DNAH6: variants seen among roughly 807,000 people sequenced by gnomAD.
DNAH6 encodes axonemal beta dynein heavy chain 6.
In DNAH6, 340 loss-of-function variants were observed where a neutral mutation model predicts 491.4. The observed-to-expected ratio is 0.69, with a 90% CI of 0.63 to 0.76. The LOEUF is 0.76. DNAH6 is among the 30% of genes least tolerant of loss of function. The pLI is 0.00. For synonymous variants in DNAH6, 1,603 were observed against 1,686.1 expected, an observed-to-expected ratio of 0.95 and a Z score of 1.21; for missense variants, 4,443 against 4,972.2, an observed-to-expected ratio of 0.89 and a Z score of 3.20.
At chr2:84,460,860 A>G in the DNAH6 span, among the ~76,000 whole-genome samples, 10 of 152,230 alleles carry the variant, frequency 6.6e-5, no homozygotes, top group Admixed American at 5.9e-4. Flanking sequence ...GTGCCCTTAT[A>G]CAAAGGCTGA....
chr2:84,553,359 CTTTT>C, intron 10 of DNAH6, among the ~76,000 whole-genome samples: 1 of 36,096 alleles, frequency 2.8e-5, no homozygotes, highest in African/African-American at 1.2e-4. Context: ...CTTTTCTTTT[CTTTT>C]CTTTTCTTTC....
chr2:84,714,064 C>G (rs1396927742), intron 57 of DNAH6, among the ~76,000 whole-genome samples: 1 of 152,218 alleles, frequency 6.6e-6, no homozygotes, highest in African/African-American at 2.4e-5. Context: ...TCTCCCTGGC[C>G]ACAATCCCCC....
chr2:84,768,737 G>A (rs1292803667), intron 64 of DNAH6, among the ~76,000 whole-genome samples: 1 of 152,128 alleles, frequency 6.6e-6, no homozygotes. Flanking sequence ...ACTCAATATT[G>A]TAAAGATATC....
chr2:84,584,035 C>A lies in DNAH6; in HGVS notation c.2266C>A (p.Gln756Lys), dbSNP rs1279935743. 6.2e-7 allele frequency: 1 copy of A among 1,614,094 alleles called. No homozygotes were observed. Among genetic ancestry groups the A allele is most frequent in the Non-Finnish European group, 8.5e-7 (1 of 1,179,998 alleles). ...SLEDEGNIVT[Q>K]MYKLMEQYQV... is the part of the protein sequence containing the mutation. ...TGAAGATGAGGGGAATATAGTGACT[C>A]AAATGTACAAGCTTATGGAACAATA... The change falls in exon 15 of 77, where the codon CAA (glutamine) becomes AAA (lysine). Residue 756 changes from glutamine to lysine, a missense_variant. Physicochemically the swap from Gln to Lys is moderately conservative, Grantham distance 53. Transcript: ENST00000389394.
chr2:84,558,199 G>A (rs983175553), intron 11 of DNAH6, among the ~76,000 whole-genome samples: 11 of 152,076 alleles, frequency 7.2e-5, no homozygotes, highest in South Asian at 2.1e-4. Context: ...AGACCGAGGC[G>A]GGCAGATCAC....
In DNAH6 at chr2:84,570,102, T is replaced by C. The variant is rs149764426; in HGVS notation, c.1804-3365T>C. Among the ~76,000 whole-genome samples the C allele has an allele frequency of 6.6e-4, 100 of 152,178 alleles. 1 individual carries two copies. The highest frequency in any genetic ancestry group is 2.3e-3 in the African/African-American group (94 of 41,526). ...ACTCTCTTTGTTCTCTTTGCAGTAC[T>C]CTCTTCTTCAAGGGGTGGGGTAGGA... is the stretch of plus-strand genomic sequence containing the variant. On this transcript the variant is annotated intron_variant, in intron 11 of 76. Coordinates refer to ENST00000389394, the MANE Select transcript of DNAH6 (RefSeq NM_001370.2).
intron 16 of DNAH6, among the ~76,000 whole-genome samples, chr2:84,592,548 T>TA (rs1684213983): frequency 6.6e-6 from 1 of 152,046 alleles, no homozygotes. Context: ...CCTCAAAACT[T>TA]AAAAAACAAA....
intron 15 of DNAH6, among the ~76,000 whole-genome samples, chr2:84,586,443 T>C (rs1326141116): frequency 1.3e-5 from 2 of 152,254 alleles, no homozygotes; most frequent in African/African-American, 4.8e-5. Flanking sequence ...AACCACACAG[T>C]GTGCCCTTTA....
intron 70 of DNAH6, among the ~76,000 whole-genome samples, chr2:84,801,496 A>G (rs567465228): frequency 3.8e-4 from 58 of 152,308 alleles, no homozygotes; most frequent in African/African-American, 1.3e-3. Context: ...TATATTACCT[A>G]TAAGGGGAAT....
intron 65 of DNAH6, among the ~76,000 whole-genome samples, chr2:84,784,164 G>A (rs1676958285): frequency 6.6e-6 from 1 of 152,200 alleles, no homozygotes; most frequent in South Asian, 2.1e-4. Context: ...CTACAGTGGA[G>A]CTCATTCTTT....
chr2:84,634,753 G>C lies in DNAH6; in HGVS notation c.4653+112G>C, dbSNP rs908299833. 4 of 1,303,132 alleles carry C rather than the reference G, an allele frequency of 3.1e-6. No individual in the cohort carries two copies. In the East Asian group the frequency reaches 1.1e-4, roughly 37 times the overall value. 80.7% of individuals were successfully genotyped at this position (1,303,132 alleles called of 1,614,324 possible). A position where few individuals can be genotyped will look rare whatever the true frequency, so the allele number is the denominator to read the frequency against. ...CTAAAAATGTTAGGGAGGAATCCTG[G>C]GGAGCCCAAGGGGACCTTGGCTCTC... On this transcript the variant is annotated intron_variant, in intron 30 of 76. Transcript: ENST00000389394.
rs1672854471 is a variant in DNAH6, at chr2:84,745,244, G to GA, written c.10511dup (p.Val3505GlyfsTer79). ...AATTCTTATTAAATGTTGTAAAGAA[G>GA]AAAAGGTAGGGCATTTTTTTAATTA... On this transcript the variant is annotated frameshift_variant, in exon 63 of 77. Coordinates refer to ENST00000389394, the MANE Select transcript of DNAH6 (RefSeq NM_001370.2). LOFTEE classifies it high-confidence loss of function. The GA allele has an allele frequency of 6.7e-7, 1 of 1,487,826 alleles. No homozygotes were observed. Among genetic ancestry groups the GA allele is most frequent in the African/African-American group, 1.4e-5 (1 of 70,178 alleles). 92.2% of individuals were successfully genotyped at this position (1,487,826 alleles called of 1,614,324 possible). A position where few individuals can be genotyped will look rare whatever the true frequency, so the allele number is the denominator to read the frequency against.
chr2:84,707,208 A>G (rs1007932177), intron 53 of DNAH6, among the ~76,000 whole-genome samples, 189 bp downstream of exon 53: 20 of 152,242 alleles, frequency 1.3e-4, no homozygotes, highest in African/African-American at 4.8e-4. Flanking sequence ...GCCTTACTGG[A>G]GCATGTTACG....
At chr2:84,653,993 T>G (rs1398356923) in intron 34 of DNAH6, 119 bp downstream of exon 34, 1 of 796,634 alleles carries the variant, frequency 1.3e-6, no homozygotes, top group Admixed American at 3.1e-5. Context: ...TGTGTTCTGT[T>G]TACTTACTTA....
In DNAH6 at chr2:84,653,815, C is replaced by T. The variant is rs533261870; in HGVS notation, c.5575C>T (p.Leu1859Phe). The T allele has an allele frequency of 7.5e-5, 116 of 1,551,426 alleles. 1 individual carries two copies. The highest frequency in any genetic ancestry group is 3.3e-4 in the Middle Eastern group (2 of 5,990). Residue 1859 changes from leucine to phenylalanine, a missense_variant, in exon 34 of 77, where the codon CTT becomes TTT. Around this residue, in one of 3 missense-constraint regions of DNAH6, gnomAD observed 2,977 missense variants for 3,296.6 expected, o/e 0.90. Coordinates refer to ENST00000389394, the MANE Select transcript of DNAH6 (RefSeq NM_001370.2). ...TACAGTGCTGGATGATAACAAGATG[C>T]TTTGCCTGGCTAACAGTGAGAGGAT... ...MNTVLDDNKM[L>F]CLANSERIKL...
intron 63 of DNAH6, among the ~76,000 whole-genome samples, chr2:84,748,904 T>C (rs1573689693): frequency 6.6e-6 from 1 of 152,212 alleles, no homozygotes; most frequent in South Asian, 2.1e-4. Context: ...TGGTGAGGCC[T>C]CAGGAATCTT....
At chr2:84,759,243 C>G (rs993734535) in intron 63 of DNAH6, among the ~76,000 whole-genome samples, 22 of 151,316 alleles carry the variant, frequency 1.5e-4, no homozygotes. Flanking sequence ...CGCAGTGACT[C>G]ACACCTGTAA....
chr2:84,713,950 C>T (rs1332649123), intron 57 of DNAH6, among the ~76,000 whole-genome samples: 1 of 152,172 alleles, frequency 6.6e-6, no homozygotes, highest in Non-Finnish European at 1.5e-5. Context: ...ACTCAGAAGA[C>T]TCTAGAAGAA....
Position 84,760,333 on chromosome 2 carries a change from TCTG to T in DNAH6, c.10513-2419_10513-2417del, listed in dbSNP as rs1426423408. On this transcript the variant is annotated intron_variant, in intron 63 of 76. Coordinates refer to ENST00000389394, the MANE Select transcript of DNAH6 (RefSeq NM_001370.2). ...ATGGGACTTAATTATCTAAGAAGCT[TCTG>T]CTCGGCAAAAGAAATAATCAGCAGA... 6.6e-5 allele frequency among the ~76,000 whole-genome samples: 10 copies of T among 152,306 alleles called. No homozygotes were observed. The East Asian group carries it at 1.7e-3, about 26-fold the overall frequency.
Sources: gnomAD v4.1 joint callset for allele counts (sites outside exome capture counted in the v4.1 genomes callset) on GRCh38, gnomAD v4.1.1 for gene constraint, gnomAD v4.1.1 regional missense constraint, MANE v1.5 for transcripts, NCBI Gene and HGNC (gene_info 2026-07-23, HGNC 2026-07-21) for gene names.